The following KIF9 variants were observed in gnomAD, a reference collection of about 807,000 sequenced individuals.
The protein encoded by KIF9 is kinesin family member 9.
Under a neutral mutation model 94.8 loss-of-function variants are expected in KIF9, and 68 were observed. The observed-to-expected ratio is 0.72, with a 90% CI of 0.59 to 0.88. KIF9 has a LOEUF of 0.88. Ranked by LOEUF, KIF9 falls within the 40% of genes least tolerant of loss-of-function variation. KIF9 has a pLI of 0.00. For missense variants in KIF9, 882 were observed against 982.5 expected (o/e 0.90, Z 1.37); for synonymous variants, 343 against 362.1 (o/e 0.95, Z 0.60).
chr3:47,248,002 G>T lies in KIF9; in HGVS notation c.1128+16C>A. On this transcript the variant is annotated intron_variant, in intron 11 of 20. Coordinates refer to ENST00000684063, the MANE Select transcript of KIF9 (RefSeq NM_182902.4). ...CCCAGCACCTCTGCCCTCCTTCTTT[G>T]CCTCTAGCCTCTTACCAGGCTGTCA... The T allele has an allele frequency of 6.3e-7, 1 of 1,599,978 alleles. No homozygotes were observed. The highest frequency in any genetic ancestry group is 8.6e-7 in the Non-Finnish European group (1 of 1,168,410).
rs577781124 is a variant in KIF9 at position 47,282,568 on chromosome 3, G to A, written c.-79C>T. 2.0e-3 allele frequency: 2,052 copies of A among 1,035,140 alleles called. 3 individuals are homozygous for A. The highest frequency in any genetic ancestry group is 2.3e-3 in the Non-Finnish European group (1,945 of 858,866). 64.1% of individuals were successfully genotyped at this position (1,035,140 alleles called of 1,614,324 possible). On this transcript the variant is annotated 5_prime_UTR_variant, in exon 1 of 21. The change creates a premature stop within an existing upstream ORF in the 5' untranslated region. Coordinates refer to ENST00000684063, the MANE Select transcript of KIF9 (RefSeq NM_182902.4). Reference sequence around the variant, plus strand: ...CCACCTGCACTCCCCACGCGGGGCTGCCTGGCTGTGTACATAGTCGCCATG... The same window carrying A: ...CCACCTGCACTCCCCACGCGGGGCTACCTGGCTGTGTACATAGTCGCCATG...
chr3:47,231,893 C>G (rs577943180), intron 20 of KIF9: 1 of 152,120 alleles, frequency 6.6e-6, no homozygotes, highest in Admixed American at 6.6e-5. Context: ...TAATCCTAAA[C>G]GTAAAGAGTG....
At chr3:47,270,033 G>A (rs915459453) in intron 5 of KIF9, among the ~76,000 whole-genome samples, 3 of 151,994 alleles carry the variant, frequency 2.0e-5, no homozygotes, top group African/African-American at 7.2e-5. Flanking sequence ...CTCCCAAAGT[G>A]TTGGGATTAC....
chr3:47,276,052 A>C (rs1205683048), intron 2 of KIF9, among the ~76,000 whole-genome samples: 2 of 152,154 alleles, frequency 1.3e-5, no homozygotes, highest in East Asian at 3.8e-4. Flanking sequence ...GAGTAAATTG[A>C]GGGTGTCATC....
chr3:47,231,235 T>A (rs959183535), intron 20 of KIF9, among the ~76,000 whole-genome samples: 2 of 151,618 alleles, frequency 1.3e-5, no homozygotes, highest in African/African-American at 4.9e-5. Context: ...AGAAAAAAAA[T>A]ACACACTCAA....
chr3:47,248,943 C>T (rs1700095872), intron 10 of KIF9, among the ~76,000 whole-genome samples: 1 of 151,930 alleles, frequency 6.6e-6, no homozygotes, highest in African/African-American at 2.4e-5. Context: ...ACTATGTTGC[C>T]CATGCTGGTA....
In KIF9 at chr3:47,236,071, C is replaced by T. The variant is rs560394239; in HGVS notation, c.2180G>A (p.Arg727Gln). The change falls in exon 19 of 21, where the codon CGG (arginine) becomes CAG (glutamine). Residue 727 changes from arginine to glutamine, a missense_variant. Transcript: ENST00000684063. Reference protein sequence around the residue: ...QMALKPGGSIRPGMVPVNRIV... With the variant: ...QMALKPGGSIQPGMVPVNRIV... The stretch of plus-strand genomic sequence containing the variant: ...CCTGTTCACAGGGACCATGCCTGGC[C>T]GGATGCTGCCGCCTGGCTTCAGTGC... 2.0e-5 allele frequency: 32 copies of T among 1,614,130 alleles called. No homozygotes were observed. The South Asian group carries it at 3.1e-4, about 16-fold the overall frequency.
chr3:47,264,491 C>A, intron 8 of KIF9, 141 bp from the exon 9 acceptor site: 3 of 641,252 alleles, frequency 4.7e-6, no homozygotes, highest in Admixed American at 4.4e-5. Flanking sequence ...GGCTGTAGTG[C>A]AGTGACACAA....
At chr3:47,251,286 C>T (rs970317971) in intron 10 of KIF9, among the ~76,000 whole-genome samples, 11 of 152,212 alleles carry the variant, frequency 7.2e-5, no homozygotes, top group African/African-American at 2.7e-4. Context: ...ATGTAGGAGG[C>T]TGGGTGCAGT....
At chr3:47,257,152 T>A (rs934863447) in intron 10 of KIF9, among the ~76,000 whole-genome samples, 9 of 151,762 alleles carry the variant, frequency 5.9e-5, no homozygotes, top group African/African-American at 1.2e-4. Context: ...AAAAATAAAT[T>A]AATTAATTTT....
chr3:47,276,045 T>C (rs998503142), intron 2 of KIF9, among the ~76,000 whole-genome samples: 8 of 151,368 alleles, frequency 5.3e-5, no homozygotes, highest in Non-Finnish European at 1.0e-4. Context: ...GAATTAAGAG[T>C]AAATTGAGGG....
chr3:47,275,477 T>G lies in KIF9; in HGVS notation c.107A>C (p.His36Pro). Residue 36 changes from histidine (H) to proline (P), a missense_variant, in exon 3 of 21, where the codon CAC (histidine) becomes CCC (proline). Coordinates refer to ENST00000684063, the MANE Select transcript of KIF9 (RefSeq NM_182902.4). ...YGDDKRSIDI[H>P]LKKDIRRGVV... ...TCCTCTCCGAATGTCTTTTTTTAAG[T>G]GAATATCAATGCTCTAGGAAAAAAG... 6.2e-7 allele frequency: 1 copy of G among 1,606,500 alleles called. No homozygotes were observed. The highest frequency in any genetic ancestry group is 8.5e-7 in the Non-Finnish European group (1 of 1,177,006).
chr3:47,280,798 A>G (rs1297122878), intron 1 of KIF9, among the ~76,000 whole-genome samples: 4 of 152,104 alleles, frequency 2.6e-5, no homozygotes, highest in African/African-American at 9.7e-5. Context: ...ATGCTTCCCA[A>G]GGCCCTCCCA....
chr3:47,243,272 G>A (rs1427555984), intron 15 of KIF9, 27 bp from the exon 16 acceptor site: 1 of 1,589,754 alleles, frequency 6.3e-7, no homozygotes, highest in Non-Finnish European at 8.6e-7. Flanking sequence ...AAGCCCCAGG[G>A]TTCAGTCATG....
intron 1 of KIF9, among the ~76,000 whole-genome samples, chr3:47,277,623 G>C (rs1702063517): frequency 6.6e-6 from 1 of 152,114 alleles, no homozygotes; most frequent in Non-Finnish European, 1.5e-5. Flanking sequence ...AATGACCCCA[G>C]AGAGACTGAA....
intron 10 of KIF9, among the ~76,000 whole-genome samples, chr3:47,256,547 CG>C (rs1700619945): frequency 6.6e-6 from 1 of 151,620 alleles, no homozygotes; most frequent in African/African-American, 2.4e-5. Context: ...CCCGGCCGGC[CG>C]CCCTGTCCGG....
intron 7 of KIF9, among the ~76,000 whole-genome samples, chr3:47,266,612 C>T (rs1448858529): frequency 6.6e-6 from 1 of 152,064 alleles, no homozygotes; most frequent in Non-Finnish European, 1.5e-5. Context: ...GCTACTGTAC[C>T]CCAGCCTGGG....
chr3:47,237,335 C>T lies in KIF9; in HGVS notation c.1925-716G>A, dbSNP rs187864848. ...TCTTGAATTCCTGACCTCAGGTGAT[C>T]CGCCCGCCTCGGCCTCCCAAAGTGG... On this transcript the variant is annotated intron_variant, in intron 17 of 20. Transcript: ENST00000684063. Among the ~76,000 whole-genome samples the T allele has an allele frequency of 1.6e-3, 242 of 152,318 alleles. 1 individual carries two copies. The highest frequency in any genetic ancestry group is 5.5e-3 in the African/African-American group (227 of 41,574).
Position 47,265,599 on chromosome 3 carries a change from T to C in KIF9, c.916+131A>G, listed in dbSNP as rs145821646. ...CCTTTCCAGGTGTCTGAAGTCACTG[T>C]GAATGTGCTGCAGGTGAATCCATGC... On this transcript the variant is annotated intron_variant, in intron 8 of 20. Transcript: ENST00000684063. 2.2e-3 allele frequency: 1,994 copies of C among 905,210 alleles called. 26 individuals are homozygous for C. The highest frequency in any genetic ancestry group is 8.8e-3 in the East Asian group (338 of 38,246). The allele number at this position is 905,210 out of a possible 1,614,324, so 56.1% of individuals were successfully genotyped here.
Sources: gnomAD v4.1 joint callset for allele counts (sites outside exome capture counted in the v4.1 genomes callset) on GRCh38, gnomAD v4.1.1 for gene constraint, MANE v1.5 for transcripts, NCBI Gene and HGNC (gene_info 2026-07-23, HGNC 2026-07-21) for gene names.